Variants in CTDSPL2 observed in about 807,000 individuals in gnomAD.
CTDSPL2 encodes the protein CTD small phosphatase-like protein 2.
CTDSPL2 carries 5 observed loss-of-function variants against 60.0 expected under a neutral mutation model. The observed-to-expected ratio is 0.08, with a 90% CI of 0.04 to 0.18. CTDSPL2 has a LOEUF of 0.18. Among genes scored for constraint, CTDSPL2 ranks in the 10% least tolerant of loss-of-function variants. The pLI, the probability that CTDSPL2 is intolerant of heterozygous loss-of-function variation, is 1.00. For synonymous variants in CTDSPL2, 186 were observed against 189.3 expected, an observed-to-expected ratio of 0.98 and a Z score of 0.14; for missense variants, 370 against 548.8, an observed-to-expected ratio of 0.67 and a Z score of 3.26.
chr15:44,459,996 C>G (rs893146613), intron 2 of CTDSPL2, among the ~76,000 whole-genome samples: 9 of 152,176 alleles, frequency 5.9e-5, no homozygotes, highest in Admixed American at 1.3e-4. Flanking sequence ...CATTTACCCC[C>G]CAAGCCTCAG....
rs2140880099 is a variant in CTDSPL2 at position 44,527,028 on chromosome 15, C to G, written c.*2854C>G. The stretch of plus-strand genomic sequence containing the variant: ...TTTAATTCCATGTAATATATGTAGC[C>G]CTCATCAGATTTATATCACCATATT... On this transcript the variant is annotated 3_prime_UTR_variant, in exon 13 of 13. Transcript: ENST00000260327. 6.6e-6 allele frequency: 1 copy of G among 152,484 alleles called. No homozygotes were observed. Among genetic ancestry groups the G allele is most frequent in the Admixed American group, 6.5e-5 (1 of 15,268 alleles). The allele number at this position is 152,484 out of a possible 1,614,324, so 9.4% of individuals were successfully genotyped here.
At chr15:44,452,800 A>G (rs1391209329) in intron 1 of CTDSPL2, among the ~76,000 whole-genome samples, 2 of 152,106 alleles carry the variant, frequency 1.3e-5, no homozygotes, top group Admixed American at 1.3e-4. Flanking sequence ...AATATTGAGT[A>G]TCATTTTTTA....
In CTDSPL2 at chr15:44,526,700, C is replaced by T. The variant is rs2081879948; in HGVS notation, c.*2526C>T. The T allele has an allele frequency of 6.6e-6, 1 of 152,108 alleles. No homozygotes were observed. Among genetic ancestry groups the T allele is most frequent in the South Asian group, 2.1e-4 (1 of 4,832 alleles). 9.4% of individuals were successfully genotyped at this position (152,108 alleles called of 1,614,324 possible). A position where few individuals can be genotyped will look rare whatever the true frequency, so the allele number is the denominator to read the frequency against. ...CAATGTTTTGTCTTCCCATTATCCT[C>T]TCTTTTCTTTATCTGTTGGTAGATG... On this transcript the variant is annotated 3_prime_UTR_variant, in exon 13 of 13. Coordinates refer to ENST00000260327, the MANE Select transcript of CTDSPL2 (RefSeq NM_016396.3).
intron 1 of CTDSPL2, among the ~76,000 whole-genome samples, chr15:44,430,170 C>T (rs9806596): frequency 0.03 from 4,553 of 152,284 alleles, 242 homozygotes; most frequent in African/African-American, 0.1. Context: ...CCATCTAATT[C>T]TGGTTAAAGA....
chr15:44,480,015 T>G (rs1376463397), intron 2 of CTDSPL2, among the ~76,000 whole-genome samples: 1 of 152,194 alleles, frequency 6.6e-6, no homozygotes, highest in African/African-American at 2.4e-5. Flanking sequence ...ACCATGTGTT[T>G]ATTTGGAATT....
intron 1 of CTDSPL2, among the ~76,000 whole-genome samples, chr15:44,453,532 G>T (rs1025514044): frequency 4.6e-5 from 7 of 151,612 alleles, no homozygotes; most frequent in African/African-American, 1.7e-4. Flanking sequence ...CCATTAACTC[G>T]TTATTTACAC....
At chr15:44,439,274 G>C (rs1253947088) in intron 1 of CTDSPL2, among the ~76,000 whole-genome samples, 1 of 151,542 alleles carries the variant, frequency 6.6e-6, no homozygotes, top group African/African-American at 2.4e-5. Flanking sequence ...TCAGACTCCC[G>C]AGTAGCTGGG....
intron 5 of CTDSPL2, among the ~76,000 whole-genome samples, chr15:44,492,994 T>A (rs2081242017): frequency 1.3e-5 from 2 of 152,212 alleles, no homozygotes; most frequent in Admixed American, 6.5e-5. Flanking sequence ...GAGAAAGGAT[T>A]TCTGTAACTT....
chr15:44,514,615 A>G lies in CTDSPL2; in HGVS notation c.987A>G (p.Arg329=), dbSNP rs2081619513. 1 of 1,606,600 alleles carries G rather than the reference A, an allele frequency of 6.2e-7. No individual in the cohort carries two copies. Among genetic ancestry groups the G allele is most frequent in the Non-Finnish European group, 8.5e-7 (1 of 1,173,424 alleles). Residue 329 remains arginine (R), a synonymous_variant, in exon 9 of 13, where the codon AGA becomes AGG. Transcript: ENST00000260327. Reference sequence around the variant, plus strand: ...TTCCTTAGGTTTATGTGAGATTAAGACCATTTTTCAGGGAATTCCTGGAAC... The same window carrying G: ...TTCCTTAGGTTTATGTGAGATTAAGGCCATTTTTCAGGGAATTCCTGGAAC... ...DVIYQVYVRL[R]PFFREFLERM... is the part of the protein sequence containing the mutation.
At chr15:44,482,952 A>G (rs1223259013) in intron 2 of CTDSPL2, among the ~76,000 whole-genome samples, 1 of 152,214 alleles carries the variant, frequency 6.6e-6, no homozygotes, top group Non-Finnish European at 1.5e-5. Context: ...GGGCAGTATT[A>G]TAGTAATACT....
intron 1 of CTDSPL2, among the ~76,000 whole-genome samples, chr15:44,456,003 AC>A (rs1410699804): frequency 6.6e-5 from 10 of 150,672 alleles, no homozygotes; most frequent in African/African-American, 2.2e-4. Flanking sequence ...GGCGCCCGCC[AC>A]CTCGCCCGGC....
At chr15:44,507,221 A>G (rs553123015) in intron 8 of CTDSPL2, among the ~76,000 whole-genome samples, 1 of 151,810 alleles carries the variant, frequency 6.6e-6, no homozygotes, top group African/African-American at 2.4e-5. Flanking sequence ...AGTAGCTGGG[A>G]TTACAGGCAT....
At chr15:44,462,183 G>A (rs1281766863) in intron 2 of CTDSPL2, among the ~76,000 whole-genome samples, 2 of 152,134 alleles carry the variant, frequency 1.3e-5, no homozygotes, top group African/African-American at 4.8e-5. Flanking sequence ...GTCTCAAGCT[G>A]TTTGCCTGCC....
At chr15:44,492,568 T>C (rs2081235035) in intron 5 of CTDSPL2, among the ~76,000 whole-genome samples, 1 of 152,070 alleles carries the variant, frequency 6.6e-6, no homozygotes, top group Non-Finnish European at 1.5e-5. Context: ...AAAAGGAAAC[T>C]TTTAAAAAAG....
chr15:44,486,614 C>T lies in CTDSPL2; in HGVS notation c.389C>T (p.Pro130Leu). 1 of 1,593,364 alleles carries T rather than the reference C, an allele frequency of 6.3e-7. No individual in the cohort carries two copies. Among genetic ancestry groups the T allele is most frequent in the Non-Finnish European group, 8.5e-7 (1 of 1,170,456 alleles). Residue 130 changes from proline to leucine, a missense_variant, in exon 4 of 13, where the codon CCT becomes CTT. Transcript: ENST00000260327. ...VKQNGKLEDN[P>L]SSGSPPRTTL... ...CAAAATGGAAAATTAGAAGATAATCCTTCCTCTGGCAGTCCTCCAAGGACT... is the reference window on the plus strand; with the variant it reads ...CAAAATGGAAAATTAGAAGATAATCTTTCCTCTGGCAGTCCTCCAAGGACT...
At chr15:44,515,868 C>T (rs1351777589) in intron 10 of CTDSPL2, among the ~76,000 whole-genome samples, 2 of 151,642 alleles carry the variant, frequency 1.3e-5, no homozygotes, top group Admixed American at 1.3e-4. Flanking sequence ...AGCAAAACTC[C>T]ATCTCAAAAA....
chr15:44,441,974 T>A (rs757608187), intron 1 of CTDSPL2, among the ~76,000 whole-genome samples: 1 of 152,134 alleles, frequency 6.6e-6, no homozygotes, highest in Non-Finnish European at 1.5e-5. Flanking sequence ...TTAGATCGAT[T>A]GATAGTGGAA....
At position 44,477,476 on chromosome 15, in the gene CTDSPL2, A is replaced by G. The variant is rs538262226; in HGVS notation, c.187-6748A>G. ...CTTGAGCCTGGGAGGTCAGGGCTGC[A>G]GTTAGCTAAGATCGTGCCATTGCAC... On this transcript the variant is annotated intron_variant, in intron 2 of 12. Coordinates refer to ENST00000260327, the MANE Select transcript of CTDSPL2 (RefSeq NM_016396.3). Among the ~76,000 whole-genome samples the G allele has an allele frequency of 1.3e-4, 19 of 151,628 alleles. No homozygotes were observed. The East Asian group carries it at 2.3e-3, about 19-fold the overall frequency.
intron 1 of CTDSPL2, among the ~76,000 whole-genome samples, chr15:44,434,996 G>A (rs893033435): frequency 6.6e-6 from 1 of 152,014 alleles, no homozygotes; most frequent in Non-Finnish European, 1.5e-5. Flanking sequence ...ACACAGTGGC[G>A]CACGCCTGTA....
Sources: allele counts gnomAD v4.1 joint callset (sites outside exome capture counted in the v4.1 genomes callset), GRCh38; gene constraint gnomAD v4.1.1; transcripts MANE v1.5; gene names NCBI Gene and HGNC (gene_info 2026-07-23, HGNC 2026-07-21).